Variants in FHIP1A observed in about 807,000 individuals in gnomAD.
FHIP1A encodes FHF complex subunit HOOK interacting protein 1A.
FHIP1A carries 61 observed loss-of-function variants against 88.6 expected under a neutral mutation model. The ratio of observed to expected loss-of-function variants is 0.69; its 90% CI spans 0.56 to 0.85. The LOEUF is 0.85. FHIP1A is among the 40% of genes least tolerant of loss of function. FHIP1A has a pLI of 0.00. For synonymous variants in FHIP1A, 478 were observed against 496.0 expected (o/e 0.96, Z 0.48); for missense variants, 1,154 against 1,273.5 (o/e 0.91, Z 1.43).
intron 7 of FHIP1A, among the ~76,000 whole-genome samples, chr4:151,629,121 T>C (rs1449806450): frequency 1.3e-5 from 2 of 152,234 alleles, no homozygotes; most frequent in Non-Finnish European, 2.9e-5. Flanking sequence ...ATGTGTATTA[T>C]TCAGTTATAA....
At chr4:151,566,571 G>A (rs1733397247) in intron 4 of FHIP1A, among the ~76,000 whole-genome samples, 1 of 152,108 alleles carries the variant, frequency 6.6e-6, no homozygotes, top group Admixed American at 6.5e-5. Context: ...TTTCACAAAA[G>A]CAATTAGGGT....
intron 11 of FHIP1A, among the ~76,000 whole-genome samples, chr4:151,650,860 T>C (rs548981023): frequency 6.6e-6 from 1 of 152,352 alleles, no homozygotes; most frequent in South Asian, 2.1e-4. Context: ...GTAGGGCTGA[T>C]TAAACCACAC....
chr4:151,600,540 T>C (rs1734824931), intron 7 of FHIP1A, among the ~76,000 whole-genome samples: 1 of 152,194 alleles, frequency 6.6e-6, no homozygotes, highest in South Asian at 2.1e-4. Context: ...CACTGTATAA[T>C]AAACTATTCT....
chr4:151,552,819 T>C (rs1407873575), intron 3 of FHIP1A, among the ~76,000 whole-genome samples: 1 of 134,414 alleles, frequency 7.4e-6, no homozygotes, highest in East Asian at 2.0e-4. Flanking sequence ...GAACTTAAAG[T>C]ATAATTAAAA....
chr4:151,646,931 G>A (rs1736820339), intron 10 of FHIP1A, among the ~76,000 whole-genome samples, 183 bp downstream of exon 10: 1 of 152,142 alleles, frequency 6.6e-6, no homozygotes, highest in Admixed American at 6.5e-5. Flanking sequence ...AGTGTTTATT[G>A]ACGTGCCCAG....
chr4:151,428,235 T>G (rs907718651), intron 1 of FHIP1A, among the ~76,000 whole-genome samples: 1 of 152,180 alleles, frequency 6.6e-6, no homozygotes, highest in Non-Finnish European at 1.5e-5. Context: ...TCTTTGCTGC[T>G]TTTTCATTTT....
intron 3 of FHIP1A, among the ~76,000 whole-genome samples, chr4:151,485,714 C>T (rs1730059849): frequency 6.6e-6 from 1 of 151,896 alleles, no homozygotes; most frequent in South Asian, 2.1e-4. Flanking sequence ...ACCTCAGCTT[C>T]CTGAGTAGCT....
In FHIP1A at chr4:151,454,795, T is replaced by C. The variant is rs1255680081; in HGVS notation, c.-261T>C. The C allele has an allele frequency of 6.6e-6, 1 of 152,096 alleles. No homozygotes were observed. The highest frequency in any genetic ancestry group is 1.9e-4 in the East Asian group (1 of 5,190). The allele number at this position is 152,096 out of a possible 1,614,324, so 9.4% of individuals were successfully genotyped here. On this transcript the variant is annotated 5_prime_UTR_variant, in exon 2 of 14. Coordinates refer to ENST00000435205, the MANE Select transcript of FHIP1A (RefSeq NM_001109977.3). ...GTTATAACTGCCTGGAAGGTTAGCGTCAAAGAAGTTGAGGTAGGAATATTT... is the reference window on the plus strand; with the variant it reads ...GTTATAACTGCCTGGAAGGTTAGCGCCAAAGAAGTTGAGGTAGGAATATTT...
At chr4:151,415,384 G>C (rs9683881) in intron 1 of FHIP1A, among the ~76,000 whole-genome samples, 18,857 of 151,876 alleles carry the variant, frequency 0.12, 1,283 homozygotes, top group African/African-American at 0.17. Flanking sequence ...CCAGGGTTTG[G>C]CCAGGTTGGT....
At chr4:151,467,969 A>C (rs1426026483) in intron 2 of FHIP1A, among the ~76,000 whole-genome samples, 1 of 146,476 alleles carries the variant, frequency 6.8e-6, no homozygotes, top group Non-Finnish European at 1.5e-5. Context: ...CACGTTCTGC[A>C]CATGTATCCC....
intron 7 of FHIP1A, among the ~76,000 whole-genome samples, chr4:151,625,053 G>T (rs972192832): frequency 5.9e-5 from 9 of 152,128 alleles, no homozygotes; most frequent in African/African-American, 2.4e-5. Context: ...GTGGGTGGAT[G>T]TGCCTCCCAC....
intron 1 of FHIP1A, among the ~76,000 whole-genome samples, chr4:151,429,327 T>C (rs1449404217): frequency 6.6e-6 from 1 of 152,194 alleles, no homozygotes; most frequent in Non-Finnish European, 1.5e-5. Flanking sequence ...ATGAATAACA[T>C]GAAAGAATGG....
chr4:151,462,313 G>T (rs1729168885), intron 2 of FHIP1A, among the ~76,000 whole-genome samples: 1 of 152,086 alleles, frequency 6.6e-6, no homozygotes, highest in African/African-American at 2.4e-5. Flanking sequence ...TGTGCTGGGG[G>T]TGTACTTCAT....
intron 7 of FHIP1A, among the ~76,000 whole-genome samples, chr4:151,607,293 C>T (rs140497090): frequency 1.6e-4 from 25 of 152,220 alleles, no homozygotes; most frequent in African/African-American, 5.8e-4. Context: ...CACAATTGAA[C>T]GAGGTAATTA....
chr4:151,577,181 T>G (rs1733825408), intron 4 of FHIP1A, among the ~76,000 whole-genome samples: 1 of 152,204 alleles, frequency 6.6e-6, no homozygotes, highest in African/African-American at 2.4e-5. Context: ...GTAGCTTAAT[T>G]TATATAACCA....
At chr4:151,651,923 A>T (rs960530202) in intron 11 of FHIP1A, among the ~76,000 whole-genome samples, 2 of 152,252 alleles carry the variant, frequency 1.3e-5, no homozygotes, top group Non-Finnish European at 2.9e-5. Context: ...AATCATAAGT[A>T]AAATGGATTA....
chr4:151,579,219 C>T (rs192670319), intron 5 of FHIP1A, among the ~76,000 whole-genome samples: 45 of 152,288 alleles, frequency 3.0e-4, no homozygotes, highest in Middle Eastern at 3.4e-3. Context: ...ATGTAAAACA[C>T]TGAGTGAGCG....
intron 7 of FHIP1A, among the ~76,000 whole-genome samples, chr4:151,608,417 A>G (rs1221945230): frequency 6.6e-6 from 1 of 151,948 alleles, no homozygotes; most frequent in Non-Finnish European, 1.5e-5. Flanking sequence ...TTGTTTTCCT[A>G]TTTATTCTAA....
chr4:151,545,591 A>G (rs745946292), intron 3 of FHIP1A, among the ~76,000 whole-genome samples: 2 of 151,298 alleles, frequency 1.3e-5, no homozygotes, highest in Non-Finnish European at 3.0e-5. Context: ...GTTAGCCAGG[A>G]TGGTCTCGAT....
Sources: gnomAD v4.1 joint callset for allele counts (sites outside exome capture counted in the v4.1 genomes callset) on GRCh38, gnomAD v4.1.1 for gene constraint, MANE v1.5 for transcripts, NCBI Gene and HGNC (gene_info 2026-07-23, HGNC 2026-07-21) for gene names.